EDNRB: variants seen among roughly 807,000 people sequenced by gnomAD.
EDNRB encodes Hirschsprung disease 2.
EDNRB carries 18 observed loss-of-function variants against 46.4 expected under a neutral mutation model. The observed-to-expected ratio is 0.39, with a 90% CI of 0.27 to 0.57. The LOEUF (loss-of-function observed/expected upper bound fraction) is 0.57, where lower values mean the gene tolerates loss of function less well. Ranked by LOEUF, EDNRB falls within the 20% of genes least tolerant of loss-of-function variation. The pLI, the probability that EDNRB is intolerant of heterozygous loss-of-function variation, is 0.61. For missense variants in EDNRB, 434 were observed against 537.5 expected, an observed-to-expected ratio of 0.81 and a Z score of 1.90; for synonymous variants, 213 against 204.9, an observed-to-expected ratio of 1.04 and a Z score of -0.34.
intron 1 of EDNRB, among the ~76,000 whole-genome samples, chr13:77,959,709 G>C (rs1363486227): frequency 6.6e-6 from 1 of 152,172 alleles, no homozygotes; most frequent in Non-Finnish European, 1.5e-5. Context: ...TTGACGAATT[G>C]AGAGAAGGCT....
At chr13:77,908,113 T>C (rs1310915126) in intron 1 of EDNRB, among the ~76,000 whole-genome samples, 1 of 151,506 alleles carries the variant, frequency 6.6e-6, no homozygotes, top group Non-Finnish European at 1.5e-5. Flanking sequence ...TGGATGCTAT[T>C]GGCTCTGGAA....
chr13:77,943,564 T>G (rs1013911144), intron 1 of EDNRB, among the ~76,000 whole-genome samples: 3 of 152,138 alleles, frequency 2.0e-5, no homozygotes, highest in African/African-American at 7.2e-5. Flanking sequence ...TTTATTGTTT[T>G]AAAATCTAAT....
intron 1 of EDNRB, among the ~76,000 whole-genome samples, chr13:77,950,352 G>A (rs1881057430): frequency 6.6e-6 from 1 of 152,192 alleles, no homozygotes; most frequent in Admixed American, 6.5e-5. Flanking sequence ...AGTACTTGCT[G>A]GGCTGAGTTC....
At chr13:77,904,637 C>T (rs942333788) in intron 1 of EDNRB, among the ~76,000 whole-genome samples, 15 of 151,176 alleles carry the variant, frequency 9.9e-5, no homozygotes, top group South Asian at 6.3e-4. Flanking sequence ...TATATGTACA[C>T]GTATATATTT....
chr13:77,973,236 C>T lies in EDNRB; in HGVS notation c.-52+2111G>A, dbSNP rs373915588. Among the ~76,000 whole-genome samples the T allele has an allele frequency of 2.4e-4, 36 of 152,186 alleles. No homozygotes were observed. The South Asian group carries it at 7.3e-3, about 31-fold the overall frequency. ...TTTTAAATCAAAGAAAGCCAAATAC[C>T]ATTACATTTAACAATGCTTCCTGTA... On this transcript the variant is annotated intron_variant, in intron 1 of 7. Transcript: ENST00000646948.
intron 1 of EDNRB, among the ~76,000 whole-genome samples, chr13:77,935,968 A>C (rs1332642782): frequency 6.6e-6 from 1 of 152,150 alleles, no homozygotes; most frequent in Non-Finnish European, 1.5e-5. Flanking sequence ...GACAGGTAAA[A>C]TGGGGGAATT....
chr13:77,909,383 C>G (rs571715569), intron 1 of EDNRB, among the ~76,000 whole-genome samples: 65 of 151,974 alleles, frequency 4.3e-4, no homozygotes, highest in Non-Finnish European at 6.8e-4. Context: ...ATCTCTCTAA[C>G]CAGGGGATTT....
intron 1 of EDNRB, among the ~76,000 whole-genome samples, chr13:77,937,362 C>T (rs565433448): frequency 1.2e-4 from 19 of 152,256 alleles, no homozygotes; most frequent in Middle Eastern, 3.4e-3. Flanking sequence ...GTGAAGCCAG[C>T]GGTTATCAGC....
At chr13:77,934,338 T>C (rs1880491687) in intron 1 of EDNRB, among the ~76,000 whole-genome samples, 1 of 152,174 alleles carries the variant, frequency 6.6e-6, no homozygotes, top group Non-Finnish European at 1.5e-5. Flanking sequence ...AAAAGACCTT[T>C]AGTCCGTTCT....
In EDNRB at chr13:77,898,064, A is replaced by C; in HGVS notation, c.*136T>G. On this transcript the variant is annotated 3_prime_UTR_variant, in exon 7 of 7. Coordinates refer to ENST00000646607, the MANE Select transcript of EDNRB (RefSeq NM_001122659.3). ...TGTCATATGTAGCTGTGAGTGTTAA[A>C]ATAATTACACTTAATATTTTAATAG... is the stretch of plus-strand genomic sequence containing the variant. The C allele has an allele frequency of 6.8e-7, 1 of 1,474,278 alleles. No individual in the cohort carries two copies. Among genetic ancestry groups the C allele is most frequent in the Admixed American group, 2.3e-5 (1 of 43,776 alleles). 91.3% of individuals were successfully genotyped at this position (1,474,278 alleles called of 1,614,324 possible).
At chr13:77,926,284 T>C (rs761080206) in intron 1 of EDNRB, among the ~76,000 whole-genome samples, 1 of 152,228 alleles carries the variant, frequency 6.6e-6, no homozygotes, top group Non-Finnish European at 1.5e-5. Flanking sequence ...TTTTCTTTTC[T>C]ATTGCATCGT....
At chr13:77,914,837 T>C (rs1879732528) in intron 1 of EDNRB, among the ~76,000 whole-genome samples, 1 of 152,216 alleles carries the variant, frequency 6.6e-6, no homozygotes, top group South Asian at 2.1e-4. Context: ...ATAAGAGCTA[T>C]GACATTTTGT....
intron 1 of EDNRB, among the ~76,000 whole-genome samples, chr13:77,917,852 G>A (rs1879887160): frequency 6.6e-6 from 1 of 152,184 alleles, no homozygotes. Context: ...GACTACGCTT[G>A]TCCTAAGCTT....
At chr13:77,955,610 G>A (rs985995007) in intron 1 of EDNRB, among the ~76,000 whole-genome samples, 7 of 152,000 alleles carry the variant, frequency 4.6e-5, no homozygotes, top group South Asian at 2.1e-4. Flanking sequence ...ATGGCTTCAT[G>A]TTTTACATTT....
chr13:77,939,864 C>T (rs929486018), intron 1 of EDNRB: 9 of 152,036 alleles, frequency 5.9e-5, no homozygotes, highest in African/African-American at 1.4e-4. Context: ...GGCGTGGTGG[C>T]ACGTGCCTGT....
At chr13:77,898,603 TTATTTGATAA>T (rs1367786608) in intron 6 of EDNRB, among the ~76,000 whole-genome samples, 15 of 152,020 alleles carry the variant, frequency 9.9e-5, no homozygotes, top group Admixed American at 7.2e-4. Context: ...TTACTCTTGG[TTATTTGATAA>T]TATTTGATAA....
At chr13:77,973,763 G>T (rs1001622612) in intron 1 of EDNRB, among the ~76,000 whole-genome samples, 1 of 151,950 alleles carries the variant, frequency 6.6e-6, no homozygotes, top group Admixed American at 6.6e-5. Context: ...TTTCTTGCAT[G>T]AATTTCCTTT....
chr13:77,941,436 AG>A (rs1483215661), intron 1 of EDNRB, among the ~76,000 whole-genome samples: 5 of 152,358 alleles, frequency 3.3e-5, no homozygotes, highest in African/African-American at 1.2e-4. Context: ...AAGGAGCCAC[AG>A]TTACTTGTAT....
chr13:77,960,411 C>A (rs1321873791), intron 1 of EDNRB, among the ~76,000 whole-genome samples: 2 of 152,008 alleles, frequency 1.3e-5, no homozygotes, highest in Non-Finnish European at 1.5e-5. Flanking sequence ...GAATTTTCAA[C>A]CCCAGAATTT....
Sources: allele counts gnomAD v4.1 joint callset (sites outside exome capture counted in the v4.1 genomes callset), GRCh38; gene constraint gnomAD v4.1.1; transcripts MANE v1.5; gene names NCBI Gene and HGNC (gene_info 2026-07-23, HGNC 2026-07-21).